LRRC37A2: variants seen among roughly 807,000 people sequenced by gnomAD.
LRRC37A2 encodes the protein leucine-rich repeat-containing protein 37A2.
A neutral mutation model predicts 68.8 loss-of-function variants in LRRC37A2; 9 were observed. The observed-to-expected ratio is 0.13, with a 90% CI of 0.08 to 0.23. LRRC37A2 has a LOEUF of 0.23. Among genes scored for constraint, LRRC37A2 ranks in the 10% least tolerant of loss-of-function variants. The pLI, the probability that LRRC37A2 is intolerant of heterozygous loss-of-function variation, is 1.00. For missense variants in LRRC37A2, 168 were observed against 950.4 expected (o/e 0.18, Z 10.82); for synonymous variants, 63 against 367.6 (o/e 0.17, Z 9.48).
chr17:46,941,282 T>A, the LRRC37A2 span: 2 of 985,952 alleles, frequency 2.0e-6, no homozygotes, highest in Non-Finnish European at 2.4e-6. Flanking sequence ...TTTGAATGGG[T>A]TTGATTTGCA....
chr17:46,539,768 C>CAAAAAAAAAAAAAAAAAAAA (rs1204528686), intron 6 of LRRC37A2, among the ~76,000 whole-genome samples: 1 of 67,036 alleles, frequency 1.5e-5, no homozygotes, highest in Non-Finnish European at 2.7e-5. Context: ...GACTCCATCT[C>CAAAAAAAAAAAAAAAAAAAA]AAAAAAAAAA....
the LRRC37A2 span, among the ~76,000 whole-genome samples, chr17:46,913,974 G>T: frequency 2.0e-5 from 3 of 152,050 alleles, no homozygotes; most frequent in Non-Finnish European, 2.9e-5. Flanking sequence ...GGCTAGACTG[G>T]TCGCAAACTC....
the LRRC37A2 span, among the ~76,000 whole-genome samples, chr17:46,887,634 T>A: frequency 6.6e-6 from 1 of 151,994 alleles, no homozygotes; most frequent in Non-Finnish European, 1.5e-5. Context: ...CATGGTGGCA[T>A]ATGCCTGTAA....
chr17:46,969,259 C>G, the LRRC37A2 span, among the ~76,000 whole-genome samples: 2 of 152,246 alleles, frequency 1.3e-5, no homozygotes, highest in African/African-American at 4.8e-5. Flanking sequence ...AGCTGCCCTT[C>G]TGGAGAGGAC....
At chr17:46,869,348 A>G in the LRRC37A2 span, among the ~76,000 whole-genome samples, 1 of 152,198 alleles carries the variant, frequency 6.6e-6, no homozygotes, top group Non-Finnish European at 1.5e-5. Flanking sequence ...AACACTGGCC[A>G]TGCAGAGCTG....
chr17:46,457,930 AACACAC>A, the LRRC37A2 span, among the ~76,000 whole-genome samples: 1 of 41,050 alleles, frequency 2.4e-5, no homozygotes, highest in African/African-American at 4.8e-5. Context: ...TCATAAGGAA[AACACAC>A]ACACACACAC....
the LRRC37A2 span, among the ~76,000 whole-genome samples, chr17:46,848,254 C>T: frequency 3.3e-5 from 5 of 152,144 alleles, no homozygotes; most frequent in South Asian, 2.1e-4. Context: ...AGCCCGTGTC[C>T]GAGCCCAGGA....
the LRRC37A2 span, among the ~76,000 whole-genome samples, chr17:46,938,235 A>T: frequency 1.3e-5 from 2 of 152,092 alleles, no homozygotes; most frequent in African/African-American, 2.4e-5. Context: ...TTTTATGTTT[A>T]ATTCTATGAA....
the LRRC37A2 span, among the ~76,000 whole-genome samples, chr17:46,953,416 A>G: frequency 6.6e-6 from 1 of 152,208 alleles, no homozygotes; most frequent in African/African-American, 2.4e-5. Context: ...CGTGGTGTAT[A>G]TGTGCCACAT....
the LRRC37A2 span, among the ~76,000 whole-genome samples, chr17:46,864,790 T>C: frequency 6.6e-6 from 1 of 152,160 alleles, no homozygotes; most frequent in Non-Finnish European, 1.5e-5. Flanking sequence ...TGGGTCGCCT[T>C]GGACGACCAA....
the LRRC37A2 span, among the ~76,000 whole-genome samples, chr17:46,987,309 A>G: frequency 2.0e-4 from 31 of 152,206 alleles, 1 homozygote; most frequent in South Asian, 2.9e-3. Flanking sequence ...GCGGTGAGGA[A>G]GAACATCAGA....
At chr17:46,770,819 T>C in the LRRC37A2 span, among the ~76,000 whole-genome samples, 1 of 152,160 alleles carries the variant, frequency 6.6e-6, no homozygotes, top group Admixed American at 6.5e-5. Flanking sequence ...ACGGTCATCG[T>C]CTCTGCATGT....
At chr17:46,727,180 A>G in the LRRC37A2 span, among the ~76,000 whole-genome samples, 1 of 152,214 alleles carries the variant, frequency 6.6e-6, no homozygotes, top group African/African-American at 2.4e-5. Flanking sequence ...AGTGCAGTAT[A>G]GTAATTTTTA....
the LRRC37A2 span, among the ~76,000 whole-genome samples, chr17:46,896,432 AAG>A: frequency 1.2e-3 from 105 of 89,686 alleles, no homozygotes; most frequent in African/African-American, 4.0e-3. Context: ...GAAAGAAAGA[AAG>A]AAAGAAAGAA....
chr17:46,497,076 T>G, the LRRC37A2 span, among the ~76,000 whole-genome samples: 1 of 132,918 alleles, frequency 7.5e-6, no homozygotes, highest in African/African-American at 3.1e-5. Context: ...TTTGTAAAAA[T>G]AGAGATGGGG....
At chr17:47,003,336 A>T in the LRRC37A2 span, among the ~76,000 whole-genome samples, 1 of 151,970 alleles carries the variant, frequency 6.6e-6, no homozygotes, top group African/African-American at 2.4e-5. Flanking sequence ...CTTATATACT[A>T]TACATGTACT....
chr17:46,745,488 A>G, the LRRC37A2 span, among the ~76,000 whole-genome samples: 1 of 152,178 alleles, frequency 6.6e-6, no homozygotes, highest in Non-Finnish European at 1.5e-5. Context: ...CAATCTTTCA[A>G]CACTTTGAAG....
the LRRC37A2 span, among the ~76,000 whole-genome samples, chr17:46,782,686 G>A: frequency 2.0e-5 from 3 of 152,222 alleles, no homozygotes; most frequent in African/African-American, 4.8e-5. Context: ...GGGCTCTGAT[G>A]CACCCAACTA....
chr17:46,770,826 A>C, the LRRC37A2 span, among the ~76,000 whole-genome samples: 1 of 152,214 alleles, frequency 6.6e-6, no homozygotes, highest in Non-Finnish European at 1.5e-5. Flanking sequence ...TCGTCTCTGC[A>C]TGTGCTTCAT....
Sources: allele counts gnomAD v4.1 joint callset (sites outside exome capture counted in the v4.1 genomes callset), GRCh38; gene constraint gnomAD v4.1.1; transcripts MANE v1.5; gene names NCBI Gene and HGNC (gene_info 2026-07-23, HGNC 2026-07-21).